The following PIAS2 variants were observed in gnomAD, a reference collection of about 807,000 sequenced individuals.
PIAS2 encodes the protein protein inhibitor of activated STAT 2.
In PIAS2, 19 loss-of-function variants were observed where a neutral mutation model predicts 69.7. That is an observed-to-expected ratio of 0.27 (90% CI 0.19 to 0.40). The LOEUF is 0.40. Ranked by LOEUF, PIAS2 falls within the 10% of genes least tolerant of loss-of-function variation. PIAS2 has a pLI of 1.00. For synonymous variants in PIAS2, 261 were observed against 263.2 expected (o/e 0.99, Z 0.08); for missense variants, 624 against 757.0 (o/e 0.82, Z 2.06).
At chr18:46,860,968 A>T (rs547451971) in intron 3 of PIAS2, among the ~76,000 whole-genome samples, 81 of 152,142 alleles carry the variant, frequency 5.3e-4, no homozygotes, top group African/African-American at 1.9e-3. Context: ...ACAGAGCAAG[A>T]CCTTCTCTCA....
chr18:46,818,423 TTAA>T lies in PIAS2; in HGVS notation c.1648+2507_1648+2509del, dbSNP rs761777306. ...AGATGTTCCAAGCTTCAGTTCATTA[TTAA>T]TATCATTTCTTCTTTGTTCTCCTGC... On this transcript the variant is annotated intron_variant, in intron 12 of 13. Coordinates refer to ENST00000585916, the MANE Select transcript of PIAS2 (RefSeq NM_004671.5). 99 of 1,581,808 alleles carry T rather than the reference TTAA, an allele frequency of 6.3e-5. 1 individual carries two copies. In the East Asian group the frequency reaches 2.3e-3, roughly 36 times the overall value.
intron 1 of PIAS2, among the ~76,000 whole-genome samples, chr18:46,898,715 C>T (rs533422641): frequency 1.3e-5 from 2 of 152,038 alleles, no homozygotes; most frequent in South Asian, 2.1e-4. Flanking sequence ...GCTTTGAGGC[C>T]GGGTGCAGTG....
At chr18:46,876,637 G>A (rs1427598550) in intron 2 of PIAS2, among the ~76,000 whole-genome samples, 1 of 151,794 alleles carries the variant, frequency 6.6e-6, no homozygotes, top group Non-Finnish European at 1.5e-5. Context: ...GCATTACAAG[G>A]TCTTACTGCT....
At chr18:46,815,726 A>C in intron 12 of PIAS2, 1 of 1,002,560 alleles carries the variant, frequency 1.0e-6, no homozygotes, top group African/African-American at 1.7e-5. Context: ...CTCTTAAGAT[A>C]TTTCACATTT....
chr18:46,897,111 G>GT (rs1403811455), intron 1 of PIAS2, among the ~76,000 whole-genome samples: 1 of 152,184 alleles, frequency 6.6e-6, no homozygotes, highest in Non-Finnish European at 1.5e-5. Flanking sequence ...GGGAAACTGG[G>GT]TGTGGGCATG....
intron 3 of PIAS2, among the ~76,000 whole-genome samples, chr18:46,859,782 A>T (rs560388463): frequency 6.6e-6 from 1 of 152,334 alleles, no homozygotes; most frequent in East Asian, 1.9e-4. Context: ...AGAGGCACTG[A>T]AAAAGGTGTC....
chr18:46,857,194 T>C (rs1599814749), intron 3 of PIAS2, among the ~76,000 whole-genome samples: 1 of 152,194 alleles, frequency 6.6e-6, no homozygotes, highest in African/African-American at 2.4e-5. Flanking sequence ...TTGACAATAC[T>C]GACCTCTTCT....
chr18:46,919,313 C>T (rs553413789), upstream of PIAS2, among the ~76,000 whole-genome samples: 11 of 152,090 alleles, frequency 7.2e-5, no homozygotes, highest in South Asian at 2.3e-3. Context: ...ATGGAGAAAC[C>T]CCGTCTCCAC....
chr18:46,816,323 CA>C, intron 12 of PIAS2: 1 of 956,524 alleles, frequency 1.0e-6, no homozygotes, highest in Non-Finnish European at 1.2e-6. Context: ...ATTTATAACT[CA>C]AAAAATTTAA....
At chr18:46,906,332 G>C (rs2056589542) in intron 1 of PIAS2, 1 of 146,430 alleles carries the variant, frequency 6.8e-6, no homozygotes, top group Non-Finnish European at 1.5e-5. Flanking sequence ...AGCACATTAA[G>C]ACAAGAAAAA....
Position 46,844,159 on chromosome 18 carries a change from A to T in PIAS2, c.968-32T>A, listed in dbSNP as rs188584114. On this transcript the variant is annotated intron_variant, in intron 7 of 13. Coordinates refer to ENST00000585916, the MANE Select transcript of PIAS2 (RefSeq NM_004671.5). Reference sequence around the variant, plus strand: ...AAAGAAGAGAAAAAAAAAAATTTAAAAAAATTAAGGGTGACAAAGAAATGG... The same window carrying T: ...AAAGAAGAGAAAAAAAAAAATTTAATAAAATTAAGGGTGACAAAGAAATGG... 4.3e-6 allele frequency: 5 copies of T among 1,158,346 alleles called. No individual in the cohort carries two copies. In the Admixed American group the frequency reaches 1.2e-4, roughly 28 times the overall value. 71.8% of individuals were successfully genotyped at this position (1,158,346 alleles called of 1,614,324 possible).
At position 46,803,854 on chromosome 18, in the gene PIAS2, C is replaced by G. The variant is rs537970893; in HGVS notation, c.*8579G>C. The G allele has an allele frequency of 6.6e-6, 1 of 152,164 alleles. No individual in the cohort carries two copies. The highest frequency in any genetic ancestry group is 1.5e-5 in the Non-Finnish European group (1 of 68,058). The allele number at this position is 152,164 out of a possible 1,614,324, so 9.4% of individuals were successfully genotyped here. ...TGCTTACACTTCCAGGTTTAATACA[C>G]CTACTCCCATATTATCCCCACTGTG... On this transcript the variant is annotated 3_prime_UTR_variant, in exon 14 of 14. Transcript: ENST00000585916.
intron 12 of PIAS2, chr18:46,818,119 C>T: frequency 9.4e-7 from 1 of 1,061,848 alleles, no homozygotes; most frequent in Non-Finnish European, 1.1e-6. Flanking sequence ...AAGTGCTTCA[C>T]TGTGAAATTG....
chr18:46,886,488 A>G (rs2053207028), intron 2 of PIAS2, among the ~76,000 whole-genome samples: 1 of 152,194 alleles, frequency 6.6e-6, no homozygotes, highest in South Asian at 2.1e-4. Context: ...AAACAAGGCT[A>G]AAGATGAAAG....
intron 2 of PIAS2, among the ~76,000 whole-genome samples, chr18:46,876,894 G>A (rs1435684207): frequency 6.6e-6 from 1 of 151,994 alleles, no homozygotes; most frequent in African/African-American, 2.4e-5. Context: ...TAGAGATGGG[G>A]TTTCACCGTG....
intron 12 of PIAS2, 98 bp downstream of exon 12, chr18:46,820,835 T>C (rs1408823833): frequency 9.7e-6 from 11 of 1,129,016 alleles, no homozygotes; most frequent in Non-Finnish European, 1.4e-5. Context: ...CCTTAGCACC[T>C]CTACTGAAAA....
chr18:46,883,428 C>T (rs975829020), intron 2 of PIAS2, among the ~76,000 whole-genome samples: 10 of 152,134 alleles, frequency 6.6e-5, no homozygotes, highest in African/African-American at 2.2e-4. Context: ...TAGTGCCAAG[C>T]GCAGTGGCTC....
intron 2 of PIAS2, among the ~76,000 whole-genome samples, chr18:46,864,769 C>CA (rs61248600): frequency 0.48 from 58,966 of 123,922 alleles, 12,531 homozygotes; most frequent in Middle Eastern, 0.58. Context: ...AACTCCATCT[C>CA]AAAAAAAAAA....
At chr18:46,841,520 A>G (rs2145186852) in intron 8 of PIAS2, among the ~76,000 whole-genome samples, 1 of 152,282 alleles carries the variant, frequency 6.6e-6, no homozygotes, top group South Asian at 2.1e-4. Flanking sequence ...TGCTTTCATC[A>G]TCTAACTTCT....
Sources: gnomAD v4.1 joint callset for allele counts (sites outside exome capture counted in the v4.1 genomes callset) on GRCh38, gnomAD v4.1.1 for gene constraint, MANE v1.5 for transcripts, NCBI Gene and HGNC (gene_info 2026-07-23, HGNC 2026-07-21) for gene names.